The following CIB1 variants were observed in gnomAD, a reference collection of about 807,000 sequenced individuals.
CIB1 encodes calcium and integrin-binding protein 1.
CIB1 carries 19 observed loss-of-function variants against 25.0 expected under a neutral mutation model. The ratio of observed to expected loss-of-function variants is 0.76; its 90% CI spans 0.53 to 1.12. The LOEUF is 1.12. Ranked by LOEUF, CIB1 falls within the 50% of genes most tolerant of loss-of-function variation. The probability of loss-of-function intolerance (pLI) is 0.00; values close to 1 mark genes in which losing one functional copy is unlikely to be tolerated. For missense variants in CIB1, 236 were observed against 242.6 expected (o/e 0.97, Z 0.18); for synonymous variants, 104 against 98.5 (o/e 1.06, Z -0.33).
the CIB1 span, chr15:90,263,715 G>A: frequency 3.1e-6 from 2 of 649,902 alleles, no homozygotes. Flanking sequence ...TAAAAATGTG[G>A]TAAGGGGCTG....
chr15:90,231,979 AAACTTCTTTG>A (rs2151635374), intron 3 of CIB1, among the ~76,000 whole-genome samples: 1 of 152,368 alleles, frequency 6.6e-6, no homozygotes, highest in East Asian at 1.9e-4. Context: ...TTAAGGGACA[AAACTTCTTTG>A]AACTTCCAAG....
chr15:90,254,824 C>T, the CIB1 span, among the ~76,000 whole-genome samples: 29,551 of 151,632 alleles, frequency 0.19, 3,708 homozygotes, highest in African/African-American at 0.35. Context: ...CCAGCCTGGG[C>T]GACAGAGGGA....
At chr15:90,241,596 G>T in the CIB1 span, 1 of 1,613,688 alleles carries the variant, frequency 6.2e-7, no homozygotes, top group Middle Eastern at 1.6e-4. Context: ...CAGACTGCCC[G>T]TGGAGCAGGC....
the CIB1 span, among the ~76,000 whole-genome samples, chr15:90,240,341 C>T: frequency 6.6e-6 from 1 of 151,196 alleles, no homozygotes; most frequent in Non-Finnish European, 1.5e-5. Context: ...AACCCTGCCT[C>T]TACTAAAAAT....
chr15:90,257,891 C>A, the CIB1 span: 1 of 937,298 alleles, frequency 1.1e-6, no homozygotes, highest in Non-Finnish European at 1.6e-6. Flanking sequence ...CCCCAAACCT[C>A]ACCCTGATAA....
chr15:90,263,895 A>G, the CIB1 span: 4 of 1,216,472 alleles, frequency 3.3e-6, no homozygotes, highest in Non-Finnish European at 4.7e-6. Context: ...TCTTAGGGGC[A>G]CTGCCAAGCA....
the CIB1 span, among the ~76,000 whole-genome samples, chr15:90,254,230 C>G: frequency 1.4e-5 from 2 of 147,944 alleles, no homozygotes; most frequent in African/African-American, 2.5e-5. Context: ...CACAGTGGCT[C>G]ACGCCTGTAA....
the CIB1 span, among the ~76,000 whole-genome samples, chr15:90,256,540 T>G: frequency 1.3e-5 from 2 of 151,714 alleles, no homozygotes; most frequent in African/African-American, 4.9e-5. Context: ...CTCTGTCTCC[T>G]TCCTTTTTCT....
upstream of CIB1, chr15:90,236,088 G>C (rs1962631707): frequency 6.6e-6 from 1 of 152,178 alleles, no homozygotes; most frequent in African/African-American, 2.4e-5. Flanking sequence ...GCCCAGGCTG[G>C]AGTGCAATGG....
At chr15:90,265,688 C>T in the CIB1 span, 22 of 1,612,684 alleles carry the variant, frequency 1.4e-5, no homozygotes, top group Non-Finnish European at 1.8e-5. Flanking sequence ...TCGTAGCCGA[C>T]TGCTGAAGGC....
the CIB1 span, chr15:90,241,508 C>T: frequency 1.9e-6 from 3 of 1,613,702 alleles, no homozygotes; most frequent in Non-Finnish European, 2.5e-6. Flanking sequence ...TACACCCGGG[C>T]TTCCGTGTCG....
the CIB1 span, among the ~76,000 whole-genome samples, chr15:90,255,208 C>T: frequency 2.0e-5 from 3 of 152,160 alleles, no homozygotes. Context: ...CATCCTATCT[C>T]ATTATTTGTT....
the CIB1 span, among the ~76,000 whole-genome samples, chr15:90,251,279 A>ATTTTTTTTT: frequency 1.5e-5 from 1 of 65,380 alleles, no homozygotes; most frequent in South Asian, 5.9e-4. Context: ...ACGCATGGCA[A>ATTTTTTTTT]ATTTTTTTTT....
At chr15:90,259,142 T>G in the CIB1 span, 1 of 1,129,758 alleles carries the variant, frequency 8.9e-7, no homozygotes, top group Admixed American at 3.0e-5. Flanking sequence ...GCAGGAGGAT[T>G]GCTTGAGCCC....
At chr15:90,263,782 T>C in the CIB1 span, 1 of 702,144 alleles carries the variant, frequency 1.4e-6, no homozygotes, top group Non-Finnish European at 2.6e-6. Context: ...AGAACTGAAA[T>C]CTATGAGTCT....
chr15:90,233,617 G>A (rs1285964352), intron 2 of CIB1, 52 bp downstream of exon 2: 2 of 1,551,308 alleles, frequency 1.3e-6, no homozygotes. Flanking sequence ...CGCCCCCGAA[G>A]CTGTCTCTAG....
At chr15:90,234,256 G>T, upstream of CIB1, 1 of 214,388 alleles carries the variant, frequency 4.7e-6, no homozygotes, top group East Asian at 9.5e-5. Flanking sequence ...GGCAGCGGCT[G>T]CGGGGAAAGT....
the CIB1 span, chr15:90,265,668 C>CGCTGCTGTTTCGTAGCCG: frequency 2.5e-6 from 4 of 1,606,438 alleles, no homozygotes; most frequent in Non-Finnish European, 3.4e-6. Context: ...CGGCTACTTC[C>CGCTGCTGTTTCGTAGCCG]GCTGCTGTTT....
the CIB1 span, chr15:90,264,647 CCA>C: frequency 1.3e-6 from 2 of 1,491,658 alleles, no homozygotes; most frequent in Non-Finnish European, 1.8e-6. Context: ...GGTAATTGGG[CCA>C]CAGTTGGGAA....
Sources: gnomAD v4.1 joint callset for allele counts (sites outside exome capture counted in the v4.1 genomes callset) on GRCh38, gnomAD v4.1.1 for gene constraint, MANE v1.5 for transcripts, NCBI Gene and HGNC (gene_info 2026-07-23, HGNC 2026-07-21) for gene names.